The following DNAH12 variants were observed in gnomAD, a reference collection of about 807,000 sequenced individuals.
DNAH12 encodes axonemal beta dynein heavy chain 12.
DNAH12 carries 285 observed loss-of-function variants against 371.5 expected under a neutral mutation model. The ratio of observed to expected loss-of-function variants is 0.77; its 90% confidence interval spans 0.70 to 0.85. DNAH12 has a LOEUF of 0.85. Among genes scored for constraint, DNAH12 ranks in the 40% least tolerant of loss-of-function variants. The probability of loss-of-function intolerance (pLI) is 0.00; values close to 1 mark genes in which losing one functional copy is unlikely to be tolerated. For synonymous variants in DNAH12, 1,200 were observed against 1,213.0 expected, an observed-to-expected ratio of 0.99 and a Z score of 0.22; for missense variants, 3,611 against 3,689.4, an observed-to-expected ratio of 0.98 and a Z score of 0.55.
rs373886381 is a variant in DNAH12 at position 57,334,858 on chromosome 3, C to T, written c.9757G>A (p.Asp3253Asn). Residue 3253 changes from aspartate (D) to asparagine (N), a missense_variant, in exon 61 of 74, where the codon GAT becomes AAT. Transcript: ENST00000495027. The stretch of plus-strand genomic sequence containing the variant: ...CTTTTGTCCTGTAGCCAAGTTGGAT[C>T]AGGATTTTTCTCAGCACTTTTAAGA... ...VSLKSAEKNP[D>N]PTWLQDKSWE... 1.3e-6 allele frequency: 2 copies of T among 1,551,926 alleles called. No homozygotes were observed. The highest frequency in any genetic ancestry group is 1.7e-4 in the Middle Eastern group (1 of 5,994).
intron 13 of DNAH12, among the ~76,000 whole-genome samples, chr3:57,476,816 G>A (rs2066543841): frequency 6.6e-6 from 1 of 152,152 alleles, no homozygotes; most frequent in Admixed American, 6.5e-5. Flanking sequence ...ACATCATCTT[G>A]TGCTGGAAAA....
intron 37 of DNAH12, among the ~76,000 whole-genome samples, chr3:57,418,158 GAAAT>G (rs71088064): frequency 0.53 from 80,358 of 150,574 alleles, 22,140 homozygotes; most frequent in African/African-American, 0.68. Context: ...CGACTTGTCT[GAAAT>G]AAATAAACAA....
At chr3:57,333,088 G>T (rs115157876) in intron 62 of DNAH12, among the ~76,000 whole-genome samples, 1 of 151,982 alleles carries the variant, frequency 6.6e-6, no homozygotes, top group Non-Finnish European at 1.5e-5. Flanking sequence ...TCTGTTGCAT[G>T]TTCTTTTTTA....
chr3:57,508,058 A>G (rs540581834), intron 7 of DNAH12, among the ~76,000 whole-genome samples: 70 of 151,988 alleles, frequency 4.6e-4, no homozygotes, highest in Non-Finnish European at 6.2e-4. Flanking sequence ...GTGGTGGTGT[A>G]TGCCTGTAAT....
At chr3:57,438,572 T>C (rs1427645431) in intron 29 of DNAH12, among the ~76,000 whole-genome samples, 1 of 152,086 alleles carries the variant, frequency 6.6e-6, no homozygotes, top group African/African-American at 2.4e-5. Flanking sequence ...GATAAATGAC[T>C]ATGGTAAAGT....
chr3:57,499,872 TA>T (rs1221697323), intron 11 of DNAH12, among the ~76,000 whole-genome samples: 4 of 149,710 alleles, frequency 2.7e-5, no homozygotes, highest in Non-Finnish European at 4.4e-5. Context: ...GTTTAAAATT[TA>T]AGATGTTAGA....
chr3:57,461,723 T>A, intron 18 of DNAH12, 34 bp from the exon 19 acceptor site: 2 of 1,508,106 alleles, frequency 1.3e-6, no homozygotes, highest in Non-Finnish European at 1.8e-6. Flanking sequence ...AACGGGATGG[T>A]GAAGAAAGGA....
intron 55 of DNAH12, among the ~76,000 whole-genome samples, chr3:57,371,767 A>G (rs2063175670): frequency 7.6e-6 from 1 of 131,314 alleles, no homozygotes; most frequent in African/African-American, 2.5e-5. Context: ...AAATTTCCAG[A>G]GGGAAAAAAA....
chr3:57,319,926 C>A (rs1227965029), intron 65 of DNAH12, among the ~76,000 whole-genome samples: 1 of 151,982 alleles, frequency 6.6e-6, no homozygotes, highest in Non-Finnish European at 1.5e-5. Flanking sequence ...TTGTTGGATG[C>A]TTTTTCTGCA....
chr3:57,310,062 T>C (rs1335047375), intron 67 of DNAH12, among the ~76,000 whole-genome samples: 1 of 152,226 alleles, frequency 6.6e-6, no homozygotes, highest in East Asian at 1.9e-4. Context: ...ACTTGTAGCA[T>C]ACATTTCCTC....
intron 2 of DNAH12, among the ~76,000 whole-genome samples, chr3:57,540,562 T>C (rs1358244551): frequency 6.6e-6 from 1 of 152,130 alleles, no homozygotes; most frequent in Non-Finnish European, 1.5e-5. Flanking sequence ...CTCTAAACTG[T>C]GAAAAATACA....
chr3:57,489,046 A>T (rs2067031057), intron 12 of DNAH12, among the ~76,000 whole-genome samples: 1 of 152,180 alleles, frequency 6.6e-6, no homozygotes, highest in Non-Finnish European at 1.5e-5. Context: ...TGAAACAAGC[A>T]AAACACATCT....
In DNAH12 at chr3:57,403,300, T is replaced by C; in HGVS notation, c.6948+9A>G. 6.5e-7 allele frequency: 1 copy of C among 1,533,474 alleles called. No individual in the cohort carries two copies. The highest frequency in any genetic ancestry group is 8.8e-7 in the Non-Finnish European group (1 of 1,140,694). The allele number at this position is 1,533,474 out of a possible 1,614,324, so 95.0% of individuals were successfully genotyped here. On this transcript the variant is annotated intron_variant, in intron 43 of 73. Coordinates refer to ENST00000495027, the MANE Select transcript of DNAH12 (RefSeq NM_001366028.2). ...TCATTTTAGATACTAGGCTTCTTCA[T>C]AATTTTACCTTCATATCCTCTCTCC...
At chr3:57,420,580 G>A (rs2064539369) in intron 36 of DNAH12, among the ~76,000 whole-genome samples, 1 of 152,084 alleles carries the variant, frequency 6.6e-6, no homozygotes, top group African/African-American at 2.4e-5. Flanking sequence ...CCTTCTCTAA[G>A]CTGGATAGTT....
intron 45 of DNAH12, among the ~76,000 whole-genome samples, chr3:57,389,512 G>A (rs2063565349): frequency 6.6e-6 from 1 of 151,852 alleles, no homozygotes. Flanking sequence ...CCCTTTCTCA[G>A]TGCACTTTAT....
At chr3:57,439,575 T>C (rs1211090741) in intron 29 of DNAH12, among the ~76,000 whole-genome samples, 1 of 152,136 alleles carries the variant, frequency 6.6e-6, no homozygotes, top group African/African-American at 2.4e-5. Flanking sequence ...GATCTCAAAC[T>C]GTAAGAATCC....
In DNAH12 at chr3:57,470,576, A is replaced by AGTTC; in HGVS notation, c.1971_1972insGAAC (p.Phe658GlufsTer4). 1 of 1,549,454 alleles carries AGTTC rather than the reference A, an allele frequency of 6.5e-7. No individual in the cohort carries two copies. The highest frequency in any genetic ancestry group is 1.2e-5 in the South Asian group (1 of 83,146). On this transcript the variant is annotated frameshift_variant, in exon 16 of 74. Transcript: ENST00000495027. LOFTEE classifies it high-confidence loss of function. The stretch of plus-strand genomic sequence containing the variant: ...AAAAGTTCCTCTTCTTTATTAATAA[A>AGTTC]CTGCACTGCTTCTTCAGATTCCTGA...
chr3:57,388,871 A>G (rs929995324), intron 45 of DNAH12, among the ~76,000 whole-genome samples: 1 of 115,926 alleles, frequency 8.6e-6, no homozygotes, highest in African/African-American at 3.4e-5. Flanking sequence ...ACTTGGACAC[A>G]GGGTGGGGAA....
intron 70 of DNAH12, chr3:57,297,277 C>A: frequency 2.7e-6 from 1 of 370,902 alleles, no homozygotes. Context: ...TTATATCATC[C>A]CACTCAAAAG....
Sources: allele counts gnomAD v4.1 joint callset (sites outside exome capture counted in the v4.1 genomes callset), GRCh38; gene constraint gnomAD v4.1.1; transcripts MANE v1.5; gene names NCBI Gene and HGNC (gene_info 2026-07-23, HGNC 2026-07-21).